The following NAALADL2 variants were observed in gnomAD, a reference collection of about 807,000 sequenced individuals.
NAALADL2 encodes the protein N-acetylated alpha-linked acidic dipeptidase like 2, also known as inactive N-acetylated-alpha-linked acidic dipeptidase-like protein 2.
Under a neutral mutation model 87.2 loss-of-function variants are expected in NAALADL2, and 76 were observed. That is an observed-to-expected ratio of 0.87 (90% CI 0.72 to 1.05). The LOEUF (loss-of-function observed/expected upper bound fraction) is 1.05, where lower values mean the gene tolerates loss of function less well. NAALADL2 is among the 50% of genes least tolerant of loss of function. NAALADL2 has a pLI of 0.00. For missense variants in NAALADL2, 1,089 were observed against 945.8 expected (o/e 1.15, Z -1.99); for synonymous variants, 354 against 331.0 (o/e 1.07, Z -0.75).
chr3:174,538,873 T>C (rs920517449), intron 1 of NAALADL2, among the ~76,000 whole-genome samples: 6 of 152,168 alleles, frequency 3.9e-5, no homozygotes, highest in African/African-American at 1.4e-4. Flanking sequence ...TGCACCAATG[T>C]ACATCTTAGA....
At chr3:175,402,497 G>A (rs913843737) in intron 5 of NAALADL2, among the ~76,000 whole-genome samples, 2 of 151,932 alleles carry the variant, frequency 1.3e-5, no homozygotes, top group African/African-American at 4.8e-5. Flanking sequence ...ATAAGTTAGT[G>A]AACAGAATCC....
chr3:174,496,003 G>A (rs1464015213), intron 1 of NAALADL2, among the ~76,000 whole-genome samples: 1 of 152,110 alleles, frequency 6.6e-6, no homozygotes, highest in African/African-American at 2.4e-5. Context: ...GGCCTTTCCA[G>A]CTAAAATTTT....
chr3:175,357,007 A>G (rs1178904984), intron 5 of NAALADL2, among the ~76,000 whole-genome samples: 4 of 152,142 alleles, frequency 2.6e-5, no homozygotes, highest in South Asian at 2.1e-4. Flanking sequence ...CTCTTTGCTT[A>G]CGTTATTTTC....
intron 4 of NAALADL2, among the ~76,000 whole-genome samples, chr3:175,314,264 C>G (rs1041250934): frequency 6.6e-6 from 1 of 151,396 alleles, no homozygotes; most frequent in Admixed American, 6.6e-5. Flanking sequence ...AAAAGAATGT[C>G]TTAGTATGGT....
rs1754540335 is a variant in NAALADL2 at position 175,804,588 on chromosome 3, TC to T, written c.*1386del. 6.6e-6 allele frequency: 1 copy of T among 151,806 alleles called. No homozygotes were observed. Among genetic ancestry groups the T allele is most frequent in the Admixed American group, 6.6e-5 (1 of 15,180 alleles). 9.4% of individuals were successfully genotyped at this position (151,806 alleles called of 1,614,324 possible). A position where few individuals can be genotyped will look rare whatever the true frequency, so the allele number is the denominator to read the frequency against. On this transcript the variant is annotated 3_prime_UTR_variant, in exon 14 of 14. Coordinates refer to ENST00000454872, the MANE Select transcript of NAALADL2 (RefSeq NM_207015.3). ...TTAGGAAACATAGCCTCAGAGTATT[TC>T]ATATAAATTTTCTCTATCTAATTCA...
At chr3:175,191,500 C>A (rs567601205) in intron 2 of NAALADL2, among the ~76,000 whole-genome samples, 1 of 152,158 alleles carries the variant, frequency 6.6e-6, no homozygotes, top group African/African-American at 2.4e-5. Flanking sequence ...GGACAGTTGT[C>A]AAAAATGATG....
At chr3:175,516,018 G>T (rs1294126312) in intron 9 of NAALADL2, among the ~76,000 whole-genome samples, 1 of 152,184 alleles carries the variant, frequency 6.6e-6, no homozygotes, top group African/African-American at 2.4e-5. Context: ...ATAGTCTTTA[G>T]GGAAAACGTT....
intron 4 of NAALADL2, among the ~76,000 whole-genome samples, chr3:175,322,383 C>T (rs1188778806): frequency 8.8e-6 from 1 of 113,438 alleles, no homozygotes; most frequent in Non-Finnish European, 1.7e-5. Flanking sequence ...ACCATAAAAA[C>T]CCTAGAAGAA....
chr3:175,170,493 A>AAT (rs1299004881), intron 2 of NAALADL2, among the ~76,000 whole-genome samples: 7 of 147,100 alleles, frequency 4.8e-5, no homozygotes, highest in East Asian at 3.9e-4. Flanking sequence ...ATATAAATAT[A>AAT]ATATATATAT....
At position 174,503,583 on chromosome 3, in the gene NAALADL2, A is replaced by G. The variant is rs539709788; in HGVS notation, c.-183-46986A>G. 1.1e-3 allele frequency among the ~76,000 whole-genome samples: 162 copies of G among 152,260 alleles called. 1 individual carries two copies. Among genetic ancestry groups the G allele is most frequent in the African/African-American group, 3.8e-3 (157 of 41,568 alleles). ...CAAAAATAATTAAAAATATTAGTTTAATTATTTGACTACTTAAGACTAAAA... is the reference window on the plus strand; with the variant it reads ...CAAAAATAATTAAAAATATTAGTTTGATTATTTGACTACTTAAGACTAAAA... On this transcript the variant is annotated intron_variant, in intron 1 of 3. Transcript: ENST00000434257.
At chr3:175,255,283 A>G (rs1196860893) in intron 3 of NAALADL2, among the ~76,000 whole-genome samples, 1 of 152,222 alleles carries the variant, frequency 6.6e-6, no homozygotes, top group Non-Finnish European at 1.5e-5. Flanking sequence ...ACAGATTTAC[A>G]GATCTCTTGG....
chr3:175,223,939 A>G (rs1467075858), intron 2 of NAALADL2, among the ~76,000 whole-genome samples: 1 of 152,184 alleles, frequency 6.6e-6, no homozygotes, highest in African/African-American at 2.4e-5. Context: ...TAAATGCTCT[A>G]AGAAACTCTA....
At chr3:175,417,917 A>T (rs1036556483) in intron 5 of NAALADL2, among the ~76,000 whole-genome samples, 2 of 152,112 alleles carry the variant, frequency 1.3e-5, no homozygotes, top group African/African-American at 4.8e-5. Context: ...TTTTATGAAG[A>T]TCTGTTTAAT....
chr3:175,229,214 A>C (rs1454557332), intron 2 of NAALADL2, among the ~76,000 whole-genome samples: 1 of 146,500 alleles, frequency 6.8e-6, no homozygotes, highest in Non-Finnish European at 1.5e-5. Flanking sequence ...GTAGTAAAAC[A>C]AAAAAAAAAG....
chr3:175,067,994 A>AC (rs1257077276), intron 1 of NAALADL2, among the ~76,000 whole-genome samples: 1 of 152,112 alleles, frequency 6.6e-6, no homozygotes, highest in Non-Finnish European at 1.5e-5. Flanking sequence ...GGAATAGAAA[A>AC]CCATATACCA....
At chr3:175,079,424 G>T (rs901654042) in intron 1 of NAALADL2, 1 of 152,100 alleles carries the variant, frequency 6.6e-6, no homozygotes, top group African/African-American at 2.4e-5. Context: ...ATGTGTTTTT[G>T]TTGAAATCCA....
chr3:175,052,228 T>C (rs983754516), intron 1 of NAALADL2, among the ~76,000 whole-genome samples: 4 of 152,142 alleles, frequency 2.6e-5, no homozygotes, highest in Non-Finnish European at 5.9e-5. Flanking sequence ...CTTTCAGTGG[T>C]TTTCCGCCCT....
At chr3:175,336,011 C>A (rs889050916) in intron 5 of NAALADL2, among the ~76,000 whole-genome samples, 1 of 152,076 alleles carries the variant, frequency 6.6e-6, no homozygotes, top group Non-Finnish European at 1.5e-5. Flanking sequence ...AGTGACACCA[C>A]CTATATATTT....
At chr3:174,831,814 A>T (rs1235661322) in intron 3 of NAALADL2, among the ~76,000 whole-genome samples, 1 of 150,678 alleles carries the variant, frequency 6.6e-6, no homozygotes, top group Non-Finnish European at 1.5e-5. Context: ...CAGAGATTCA[A>T]CTTCTTCCTG....
Sources: allele counts gnomAD v4.1 joint callset (sites outside exome capture counted in the v4.1 genomes callset), GRCh38; gene constraint gnomAD v4.1.1; transcripts MANE v1.5; gene names NCBI Gene and HGNC (gene_info 2026-07-23, HGNC 2026-07-21).